The following DOCK3 variants were observed in gnomAD, a reference collection of about 807,000 sequenced individuals.
DOCK3 encodes dedicator of cytokinesis protein 3.
DOCK3 carries 60 observed loss-of-function variants against 265.6 expected under a neutral mutation model. The observed-to-expected ratio is 0.23, with a 90% confidence interval of 0.18 to 0.28. The LOEUF (loss-of-function observed/expected upper bound fraction) is 0.28, where lower values mean the gene tolerates loss of function less well. DOCK3 is among the 10% of genes least tolerant of loss of function. The pLI, the probability that DOCK3 is intolerant of heterozygous loss-of-function variation, is 1.00. For missense variants in DOCK3, 1,981 were observed against 2,594.3 expected (o/e 0.76, Z 5.14); for synonymous variants, 881 against 938.0 (o/e 0.94, Z 1.11).
intron 5 of DOCK3, among the ~76,000 whole-genome samples, chr3:51,031,885 T>TA (rs1443494469): frequency 6.6e-6 from 1 of 152,190 alleles, no homozygotes; most frequent in African/African-American, 2.4e-5. Flanking sequence ...AGCAACAGGG[T>TA]ACCACCTTGG....
At position 51,291,963 on chromosome 3, in the gene DOCK3, G is replaced by A. The variant is rs942611602; in HGVS notation, c.2922+11759G>A. ...TCAACATACTCAGATCAATAAATGT[G>A]ATTCACCATATTAACAGAATGAAGG... On this transcript the variant is annotated intron_variant, in intron 27 of 52. Coordinates refer to ENST00000266037, the MANE Select transcript of DOCK3 (RefSeq NM_004947.5). Among the ~76,000 whole-genome samples, 3 of 152,258 alleles carry A rather than the reference G, an allele frequency of 2.0e-5. No individual in the cohort carries two copies. The South Asian group carries it at 6.2e-4, about 32-fold the overall frequency.
intron 9 of DOCK3, among the ~76,000 whole-genome samples, chr3:51,092,396 G>T (rs867069664): frequency 6.6e-6 from 1 of 152,190 alleles, no homozygotes; most frequent in Non-Finnish European, 1.5e-5. Flanking sequence ...AAACAAAGCC[G>T]CTGGGAAGTT....
chr3:51,118,275 A>C (rs1298722553), intron 9 of DOCK3, among the ~76,000 whole-genome samples: 1 of 152,150 alleles, frequency 6.6e-6, no homozygotes, highest in Non-Finnish European at 1.5e-5. Flanking sequence ...GTTTTGAGTG[A>C]GTTTCTTAAT....
intron 12 of DOCK3, among the ~76,000 whole-genome samples, chr3:51,172,678 T>G (rs1363968288): frequency 2.0e-5 from 3 of 152,202 alleles, no homozygotes; most frequent in Non-Finnish European, 4.4e-5. Flanking sequence ...TTGGTAGTTT[T>G]ATGATTTTTT....
At chr3:50,991,767 C>CA (rs539608141) in intron 5 of DOCK3, among the ~76,000 whole-genome samples, 83 of 150,704 alleles carry the variant, frequency 5.5e-4, no homozygotes, top group Middle Eastern at 3.4e-3. Context: ...AACTCTCCAC[C>CA]AAAAAAAAAC....
rs535583417 is a variant in DOCK3, at chr3:50,750,772, C to T, written c.38-27903C>T. Among the ~76,000 whole-genome samples, 15 of 152,226 alleles carry T rather than the reference C, an allele frequency of 9.9e-5. No individual in the cohort carries two copies. The East Asian group carries it at 1.9e-3, about 20-fold the overall frequency. Reference sequence around the variant, plus strand: ...TGTGTGCTTTAAGCTAGATTTTCTCCGCTGTCCATTTGCTCCCAGAGTGTG... The same window carrying T: ...TGTGTGCTTTAAGCTAGATTTTCTCTGCTGTCCATTTGCTCCCAGAGTGTG... On this transcript the variant is annotated intron_variant, in intron 1 of 52. Coordinates refer to ENST00000266037, the MANE Select transcript of DOCK3 (RefSeq NM_004947.5).
At chr3:50,850,805 C>T (rs980347315) in intron 3 of DOCK3, among the ~76,000 whole-genome samples, 7 of 152,198 alleles carry the variant, frequency 4.6e-5, no homozygotes, top group African/African-American at 1.7e-4. Flanking sequence ...TTATATTCAG[C>T]TGTACAGTTC....
At chr3:51,219,617 G>T (rs527744656) in intron 14 of DOCK3, among the ~76,000 whole-genome samples, 86 of 152,320 alleles carry the variant, frequency 5.6e-4, no homozygotes, top group Middle Eastern at 3.4e-3. Context: ...TCATTGAAAA[G>T]AAAAGGAATC....
At chr3:50,687,894 A>G (rs2034944176) in intron 1 of DOCK3, among the ~76,000 whole-genome samples, 1 of 152,234 alleles carries the variant, frequency 6.6e-6, no homozygotes, top group Admixed American at 6.5e-5. Context: ...CCTCATGTGC[A>G]TCCTCCTGAA....
intron 2 of DOCK3, among the ~76,000 whole-genome samples, chr3:50,824,949 A>G (rs913537046): frequency 2.6e-5 from 4 of 152,238 alleles, no homozygotes; most frequent in African/African-American, 9.6e-5. Context: ...TTAATATTAA[A>G]TATCATAAAT....
intron 44 of DOCK3, 36 bp from the exon 45 acceptor site, chr3:51,357,722 G>C (rs1193527365): frequency 1.2e-6 from 2 of 1,610,360 alleles, no homozygotes; most frequent in South Asian, 2.2e-5. Flanking sequence ...AGTAGTCCTG[G>C]GAAGAGTCTT....
intron 9 of DOCK3, among the ~76,000 whole-genome samples, chr3:51,112,802 A>G (rs1185507151): frequency 6.6e-6 from 1 of 152,118 alleles, no homozygotes; most frequent in Non-Finnish European, 1.5e-5. Context: ...TATCCTGGCC[A>G]CTCTACAGAT....
intron 3 of DOCK3, chr3:50,877,746 T>C (rs2047784280): frequency 3.2e-6 from 1 of 316,570 alleles, no homozygotes; most frequent in African/African-American, 2.2e-5. Context: ...TGATCTCAGC[T>C]CACTGCAACC....
chr3:50,777,237 T>C (rs774417491), intron 1 of DOCK3, among the ~76,000 whole-genome samples: 13 of 152,200 alleles, frequency 8.5e-5, no homozygotes, highest in Non-Finnish European at 1.8e-4. Flanking sequence ...GTATGCTTTG[T>C]TGAATACCAT....
intron 9 of DOCK3, among the ~76,000 whole-genome samples, chr3:51,106,216 C>T (rs2083274017): frequency 6.6e-6 from 1 of 152,234 alleles, no homozygotes; most frequent in Non-Finnish European, 1.5e-5. Context: ...GAGCACCCCT[C>T]AGTTGGCTAG....
At chr3:50,718,261 T>C (rs2037250393) in intron 1 of DOCK3, among the ~76,000 whole-genome samples, 1 of 152,220 alleles carries the variant, frequency 6.6e-6, no homozygotes, top group Admixed American at 6.5e-5. Flanking sequence ...CTCAAAACTA[T>C]CCTGTTTCCT....
intron 5 of DOCK3, among the ~76,000 whole-genome samples, chr3:50,974,013 G>C (rs1575650727): frequency 1.3e-5 from 2 of 149,970 alleles, no homozygotes; most frequent in African/African-American, 4.9e-5. Context: ...AAATTTGTTT[G>C]AGTTCATTGT....
chr3:51,089,625 C>T (rs1299886740), intron 8 of DOCK3, among the ~76,000 whole-genome samples: 4 of 151,884 alleles, frequency 2.6e-5, no homozygotes, highest in African/African-American at 4.8e-5. Flanking sequence ...AATGGTTTTC[C>T]GGGCTGGGCG....
At chr3:50,694,904 A>C (rs549727619) in intron 1 of DOCK3, among the ~76,000 whole-genome samples, 28 of 152,362 alleles carry the variant, frequency 1.8e-4, no homozygotes, top group African/African-American at 6.7e-4. Flanking sequence ...AGCCTATTTT[A>C]CTTGAGGGCC....
Sources: gnomAD v4.1 joint callset for allele counts (sites outside exome capture counted in the v4.1 genomes callset) on GRCh38, gnomAD v4.1.1 for gene constraint, MANE v1.5 for transcripts, NCBI Gene and HGNC (gene_info 2026-07-23, HGNC 2026-07-21) for gene names.